KIF9: variants seen among roughly 807,000 people sequenced by gnomAD.
KIF9 encodes the protein kinesin-like protein KIF9.
Under a neutral mutation model 94.8 loss-of-function variants are expected in KIF9, and 68 were observed. The observed-to-expected ratio is 0.72, with a 90% CI of 0.59 to 0.88. KIF9 has a LOEUF of 0.88. Ranked by LOEUF, KIF9 falls within the 40% of genes least tolerant of loss-of-function variation. The probability of loss-of-function intolerance (pLI) is 0.00; values close to 1 mark genes in which losing one functional copy is unlikely to be tolerated. For missense variants in KIF9, 882 were observed against 982.5 expected, an observed-to-expected ratio of 0.90 and a Z score of 1.37; for synonymous variants, 343 against 362.1, an observed-to-expected ratio of 0.95 and a Z score of 0.60.
intron 20 of KIF9, among the ~76,000 whole-genome samples, chr3:47,231,259 A>T (rs1022142085): frequency 1.3e-5 from 2 of 152,154 alleles, no homozygotes; most frequent in Non-Finnish European, 2.9e-5. Flanking sequence ...ATAGGAACAG[A>T]AAAGAACGTC....
chr3:47,231,476 G>A (rs1035343761), intron 20 of KIF9, among the ~76,000 whole-genome samples: 1 of 134,342 alleles, frequency 7.4e-6, no homozygotes, highest in African/African-American at 2.8e-5. Flanking sequence ...AGTGGTGCAA[G>A]CTTGGCTCAC....
intron 9 of KIF9, among the ~76,000 whole-genome samples, chr3:47,259,281 T>C (rs1015979772): frequency 6.6e-6 from 1 of 152,210 alleles, no homozygotes; most frequent in African/African-American, 2.4e-5. Flanking sequence ...AAGGCTTCAC[T>C]GCCAGCACAG....
chr3:47,236,302 G>A (rs961583003), intron 18 of KIF9, 141 bp downstream of exon 18: 7 of 1,063,654 alleles, frequency 6.6e-6, no homozygotes, highest in Non-Finnish European at 9.7e-6. Flanking sequence ...CACAGTCCTG[G>A]GAACCACACA....
chr3:47,270,569 A>G (rs1701583969), intron 5 of KIF9, among the ~76,000 whole-genome samples: 1 of 152,008 alleles, frequency 6.6e-6, no homozygotes, highest in African/African-American at 2.4e-5. Context: ...TTTTTTCCAT[A>G]CAAGAGCTCA....
chr3:47,233,055 C>G (rs1475109208), intron 20 of KIF9, among the ~76,000 whole-genome samples: 1 of 150,306 alleles, frequency 6.7e-6, no homozygotes, highest in Non-Finnish European at 1.5e-5. Context: ...AGTTGTAAAT[C>G]ATATCACAAA....
At chr3:47,245,102 G>T in intron 14 of KIF9, 178 bp from the exon 15 acceptor site, 1 of 741,108 alleles carries the variant, frequency 1.3e-6, no homozygotes, top group Non-Finnish European at 2.1e-6. Context: ...TGACCACTCT[G>T]CCAAATGTCC....
chr3:47,246,526 T>C (rs1306591481), intron 12 of KIF9: 5 of 228,336 alleles, frequency 2.2e-5, no homozygotes, highest in Admixed American at 5.9e-5. Flanking sequence ...GAAATGATTC[T>C]ATACCTTGAA....
intron 8 of KIF9, among the ~76,000 whole-genome samples, chr3:47,264,792 C>T (rs1031563741): frequency 6.6e-6 from 1 of 152,174 alleles, no homozygotes; most frequent in African/African-American, 2.4e-5. Context: ...GTAACCCCGA[C>T]GTGATGGCAT....
At chr3:47,263,673 A>T in intron 9 of KIF9, 1 of 355,354 alleles carries the variant, frequency 2.8e-6, no homozygotes, top group Non-Finnish European at 5.5e-6. Flanking sequence ...CTCCAGCTTC[A>T]GGAAAAGTTC....
chr3:47,278,061 G>A (rs1337496733), intron 1 of KIF9, among the ~76,000 whole-genome samples: 1 of 151,798 alleles, frequency 6.6e-6, no homozygotes. Flanking sequence ...GGAAGACATA[G>A]GACATATATA....
intron 4 of KIF9, among the ~76,000 whole-genome samples, chr3:47,272,358 G>A (rs1391964641): frequency 6.6e-6 from 1 of 152,106 alleles, no homozygotes; most frequent in Non-Finnish European, 1.5e-5. Flanking sequence ...CAAATGAACT[G>A]AATTTTAAAT....
intron 9 of KIF9, among the ~76,000 whole-genome samples, chr3:47,261,971 G>T (rs1320013155): frequency 6.6e-6 from 1 of 152,180 alleles, no homozygotes; most frequent in Non-Finnish European, 1.5e-5. Flanking sequence ...AACACATTTG[G>T]AAGAGACAAT....
chr3:47,232,494 A>G (rs1463927582), intron 20 of KIF9, among the ~76,000 whole-genome samples: 1 of 151,594 alleles, frequency 6.6e-6, no homozygotes, highest in Non-Finnish European at 1.5e-5. Flanking sequence ...CATGTTGGCC[A>G]GGCTGGTCTC....
At chr3:47,270,497 C>T (rs1701578462) in intron 5 of KIF9, among the ~76,000 whole-genome samples, 1 of 152,046 alleles carries the variant, frequency 6.6e-6, no homozygotes, top group Non-Finnish European at 1.5e-5. Context: ...TCAGGTGATC[C>T]ACCCACCTCA....
chr3:47,254,936 A>G (rs1171850414), intron 10 of KIF9, among the ~76,000 whole-genome samples: 2 of 152,242 alleles, frequency 1.3e-5, no homozygotes, highest in Non-Finnish European at 2.9e-5. Context: ...AACATCAGTC[A>G]GGTGATTCTG....
At position 47,271,372 on chromosome 3, in the gene KIF9, G is replaced by GA. The variant is rs1298604277; in HGVS notation, c.455dup (p.Leu153ProfsTer26). The GA allele has an allele frequency of 6.2e-7, 1 of 1,614,012 alleles. No individual in the cohort carries two copies. The highest frequency in any genetic ancestry group is 2.2e-5 in the East Asian group (1 of 44,854). On this transcript the variant is annotated frameshift_variant, in exon 5 of 21. Coordinates refer to ENST00000684063, the MANE Select transcript of KIF9 (RefSeq NM_182902.4). LOFTEE classifies it high-confidence loss of function. ...GTCCAACATAGGGCAGAGTGGACAG[G>GA]AGATCAAACAGGCTCTCATTATAGA...
chr3:47,256,541 G>C (rs1700619037), intron 10 of KIF9, among the ~76,000 whole-genome samples: 1 of 151,010 alleles, frequency 6.6e-6, no homozygotes, highest in African/African-American at 2.4e-5. Flanking sequence ...CCCCCGCCCG[G>C]CCGGCCGCCC....
At chr3:47,253,398 C>T (rs1392572051) in intron 10 of KIF9, among the ~76,000 whole-genome samples, 2 of 152,066 alleles carry the variant, frequency 1.3e-5, no homozygotes, top group East Asian at 1.9e-4. Context: ...TCAAGTGACC[C>T]GCCTGCCTCA....
intron 1 of KIF9, among the ~76,000 whole-genome samples, chr3:47,281,938 T>C (rs935982542): frequency 1.3e-5 from 2 of 152,190 alleles, no homozygotes; most frequent in Non-Finnish European, 2.9e-5. Flanking sequence ...GGAACCCTCA[T>C]AGCTACCCGT....
Sources: gnomAD v4.1 joint callset for allele counts (sites outside exome capture counted in the v4.1 genomes callset) on GRCh38, gnomAD v4.1.1 for gene constraint, MANE v1.5 for transcripts, NCBI Gene and HGNC (gene_info 2026-07-23, HGNC 2026-07-21) for gene names.